Variants in UTRN observed in about 807,000 individuals in gnomAD.
UTRN encodes utrophin.
UTRN carries 283 observed loss-of-function variants against 463.9 expected under a neutral mutation model. That is an observed-to-expected ratio of 0.61 (90% CI 0.55 to 0.67). The LOEUF is 0.67. UTRN is among the 30% of genes least tolerant of loss of function. UTRN has a pLI of 0.00. For synonymous variants in UTRN, 1,442 were observed against 1,431.5 expected (o/e 1.01, Z -0.17); for missense variants, 3,922 against 4,084.3 (o/e 0.96, Z 1.08).
Position 144,482,209 on chromosome 6 carries a change from A to G in UTRN, c.3508A>G (p.Arg1170Gly). The G allele has an allele frequency of 1.4e-6, 2 of 1,455,870 alleles. No individual in the cohort carries two copies. Among genetic ancestry groups the G allele is most frequent in the Non-Finnish European group, 9.1e-7 (1 of 1,095,270 alleles). The allele number at this position is 1,455,870 out of a possible 1,614,324, so 90.2% of individuals were successfully genotyped here. ...GTTCATCCATCCTTTCTTGGAACAG[A>G]GGGCAAAAGAGGATGTGTTGCAGAA... ...ELESAVEEMK[R>G]AKEDVLQKEV... is the part of the protein sequence containing the mutation. Residue 1170 changes from arginine (R) to glycine (G), a missense_variant and splice_region_variant, in exon 27 of 75, where the codon AGG becomes GGG. Arg to Gly is a moderately radical substitution (Grantham distance 125, BLOSUM62 -2). Transcript: ENST00000367545.
At position 144,514,834 on chromosome 6, in the gene UTRN, C is replaced by T. The variant is rs1795473818; in HGVS notation, c.5244+14C>T. The T allele has an allele frequency of 6.2e-7, 1 of 1,607,458 alleles. No homozygotes were observed. Among genetic ancestry groups the T allele is most frequent in the Non-Finnish European group, 8.5e-7 (1 of 1,177,202 alleles). ...AAAAGTGCCAAAGTGAGTAATTATG[C>T]TTTTAGAGTAAACCATTTTTCCTAT... is the stretch of plus-strand genomic sequence containing the variant. On this transcript the variant is annotated intron_variant, in intron 37 of 74. Transcript: ENST00000367545.
chr6:144,682,802 A>C (rs1034376016), intron 52 of UTRN, among the ~76,000 whole-genome samples: 1 of 152,214 alleles, frequency 6.6e-6, no homozygotes, highest in African/African-American at 2.4e-5. Flanking sequence ...ATAAAAGATA[A>C]AATAGTTTGT....
chr6:144,702,424 T>G (rs1784688442), intron 53 of UTRN, among the ~76,000 whole-genome samples: 1 of 152,222 alleles, frequency 6.6e-6, no homozygotes, highest in African/African-American at 2.4e-5. Context: ...CAAGTATTTA[T>G]TGAGTGCCTA....
rs1803736408 is a variant in UTRN at position 144,286,978 on chromosome 6, C to T, written c.-93+1157C>T. Among the ~76,000 whole-genome samples the T allele has an allele frequency of 6.6e-6, 1 of 151,984 alleles. No individual in the cohort carries two copies. The highest frequency in any genetic ancestry group is 1.5e-5 in the Non-Finnish European group (1 of 67,978). ...TGCAGCGGTCGCCGCGGCCAGAGCG[C>T]GCGGAGCTCGGGGGAGGCCGGATTC... On this transcript the variant is annotated intron_variant, in intron 1 of 74. Coordinates refer to ENST00000367545, the MANE Select transcript of UTRN (RefSeq NM_007124.3). The surrounding 1 kb of genome is among the most constrained non-coding windows in gnomAD (Gnocchi z 4.4).
chr6:144,711,245 G>T (rs1232631286), intron 53 of UTRN, among the ~76,000 whole-genome samples: 1 of 151,888 alleles, frequency 6.6e-6, no homozygotes, highest in Non-Finnish European at 1.5e-5. Flanking sequence ...GAACCCAGGG[G>T]GCGGAGGTTG....
chr6:144,367,803 A>G (rs1366048118), intron 2 of UTRN, among the ~76,000 whole-genome samples: 1 of 151,978 alleles, frequency 6.6e-6, no homozygotes, highest in Non-Finnish European at 1.5e-5. Flanking sequence ...TTTTTTTGAG[A>G]TGGAGTTTCA....
chr6:144,498,677 C>T (rs1382708419), intron 33 of UTRN, among the ~76,000 whole-genome samples: 11 of 149,616 alleles, frequency 7.4e-5, no homozygotes, highest in East Asian at 2.0e-4. Context: ...TTTTTTGAGA[C>T]GGGGTCTTGC....
chr6:144,482,901 T>C (rs1424362240), intron 27 of UTRN, among the ~76,000 whole-genome samples: 1 of 152,170 alleles, frequency 6.6e-6, no homozygotes, highest in Non-Finnish European at 1.5e-5. Flanking sequence ...ATACCTTTTT[T>C]TTTTCTCCCT....
chr6:144,742,707 A>G (rs145955178), intron 54 of UTRN, among the ~76,000 whole-genome samples: 72 of 152,302 alleles, frequency 4.7e-4, no homozygotes, highest in African/African-American at 1.7e-3. Flanking sequence ...CTTTCTATGT[A>G]TTAACTGAGG....
At position 144,485,495 on chromosome 6, in the gene UTRN, G is replaced by C. The variant is rs781745538; in HGVS notation, c.3798G>C (p.Thr1266=). The C allele has an allele frequency of 5.6e-6, 9 of 1,613,940 alleles. No homozygotes were observed. In the Admixed American group the frequency reaches 1.0e-4, roughly 18 times the overall value. Residue 1266 remains threonine, a synonymous_variant, in exon 28 of 75, where the codon ACG becomes ACC. Coordinates refer to ENST00000367545, the MANE Select transcript of UTRN (RefSeq NM_007124.3). ...MKSTEVLPEK[T]DAVNEALESL... Reference sequence around the variant, plus strand: ...GCACAGAGGTCCTGCCTGAGAAGACGGATGCTGTCAACGAAGCCCTGGAGG... The same window carrying C: ...GCACAGAGGTCCTGCCTGAGAAGACCGATGCTGTCAACGAAGCCCTGGAGG...
intron 50 of UTRN, among the ~76,000 whole-genome samples, chr6:144,565,025 A>G (rs147488201): frequency 1.8e-4 from 27 of 152,312 alleles, no homozygotes; most frequent in Admixed American, 3.9e-4. Context: ...TGCGAAGATC[A>G]GAAAGGAAGT....
intron 2 of UTRN, among the ~76,000 whole-genome samples, chr6:144,378,613 G>A (rs920036845): frequency 8.5e-5 from 13 of 152,186 alleles, no homozygotes; most frequent in Non-Finnish European, 1.8e-4. Flanking sequence ...GAAAGGGCTG[G>A]GTTTGTCAGA....
chr6:144,754,820 T>G, intron 57 of UTRN, 22 bp downstream of exon 57: 1 of 1,601,362 alleles, frequency 6.2e-7, no homozygotes, highest in Non-Finnish European at 8.5e-7. Context: ...TAAACTGGAC[T>G]GATCGCATTA....
chr6:144,521,677 C>T (rs1001782864), intron 39 of UTRN, among the ~76,000 whole-genome samples: 4 of 151,960 alleles, frequency 2.6e-5, no homozygotes, highest in Non-Finnish European at 4.4e-5. Flanking sequence ...TTCAACAACT[C>T]AAGAAAGGAA....
intron 2 of UTRN, among the ~76,000 whole-genome samples, chr6:144,373,373 C>A (rs1780176545): frequency 6.6e-6 from 1 of 152,184 alleles, no homozygotes; most frequent in Non-Finnish European, 1.5e-5. Flanking sequence ...CTGCAACATG[C>A]ATGGGCCTTG....
At chr6:144,398,316 T>G (rs1333616050) in intron 2 of UTRN, 1 of 319,092 alleles carries the variant, frequency 3.1e-6, no homozygotes, top group Non-Finnish European at 6.4e-6. Context: ...TTCCTTGTCC[T>G]CAATAGATTT....
chr6:144,462,523 C>A, intron 22 of UTRN, 131 bp from the exon 23 acceptor site: 1 of 794,098 alleles, frequency 1.3e-6, no homozygotes, highest in Non-Finnish European at 1.9e-6. Context: ...CACTCCCACC[C>A]ACTGTTCTTT....
At chr6:144,541,523 C>T (rs1213580484) in intron 45 of UTRN, among the ~76,000 whole-genome samples, 2 of 152,350 alleles carry the variant, frequency 1.3e-5, no homozygotes, top group Admixed American at 1.3e-4. Flanking sequence ...CAACAATGCT[C>T]ATTGTGCAGA....
intron 50 of UTRN, among the ~76,000 whole-genome samples, chr6:144,562,036 T>C (rs1367283951): frequency 6.6e-6 from 1 of 152,108 alleles, no homozygotes; most frequent in Non-Finnish European, 1.5e-5. Context: ...TAAAATTTTA[T>C]TAACAGATGA....
Sources: allele counts gnomAD v4.1 joint callset (sites outside exome capture counted in the v4.1 genomes callset), GRCh38; gene constraint gnomAD v4.1.1; non-coding constraint Gnocchi (gnomAD v3.1); transcripts MANE v1.5; gene names NCBI Gene and HGNC (gene_info 2026-07-23, HGNC 2026-07-21).